The following BNIP2 variants were observed in gnomAD, a reference collection of about 807,000 sequenced individuals.
The protein encoded by BNIP2 is BCL2 interacting protein 2, also known as BCL2/adenovirus E1B 19 kDa protein-interacting protein 2.
BNIP2 carries 36 observed loss-of-function variants against 43.4 expected under a neutral mutation model. That is an observed-to-expected ratio of 0.83 (90% confidence interval 0.64 to 1.10). The LOEUF is 1.10. BNIP2 is among the 50% of genes least tolerant of loss of function. BNIP2 has a pLI of 0.00. For missense variants in BNIP2, 417 were observed against 374.1 expected (o/e 1.11, Z -0.95); for synonymous variants, 146 against 121.0 (o/e 1.21, Z -1.35).
At chr15:59,684,023 T>G (rs1237182928) in intron 1 of BNIP2, among the ~76,000 whole-genome samples, 1 of 152,200 alleles carries the variant, frequency 6.6e-6, no homozygotes, top group Admixed American at 6.5e-5. Flanking sequence ...TACGTCAACA[T>G]TCAAAAGATG....
chr15:59,664,168 T>C (rs746745170), intron 9 of BNIP2, 48 bp from the exon 10 acceptor site: 54 of 1,269,716 alleles, frequency 4.3e-5, no homozygotes, highest in Non-Finnish European at 5.8e-5. Context: ...ACTGAACAAT[T>C]TTCTTTCTAA....
chr15:59,675,235 T>A (rs1378437431), intron 5 of BNIP2, among the ~76,000 whole-genome samples: 2 of 139,644 alleles, frequency 1.4e-5, no homozygotes, highest in Non-Finnish European at 3.1e-5. Flanking sequence ...GGTGACAGAA[T>A]GAGACTCCAT....
chr15:59,664,927 T>G (rs534581568), intron 9 of BNIP2, among the ~76,000 whole-genome samples: 4 of 152,182 alleles, frequency 2.6e-5, no homozygotes, highest in South Asian at 2.1e-4. Flanking sequence ...GGTACACAGT[T>G]TGTGAATGCC....
intron 9 of BNIP2, among the ~76,000 whole-genome samples, chr15:59,666,952 G>T (rs1892605559): frequency 6.6e-6 from 1 of 151,882 alleles, no homozygotes; most frequent in African/African-American, 2.4e-5. Flanking sequence ...TTTTAAAAAG[G>T]CTTAATACAG....
At chr15:59,686,742 C>T (rs933620844) in intron 1 of BNIP2, among the ~76,000 whole-genome samples, 9 of 152,244 alleles carry the variant, frequency 5.9e-5, no homozygotes, top group East Asian at 1.9e-4. Context: ...ACAAGCCGGG[C>T]ATGGTGGCTC....
chr15:59,674,372 G>A (rs1485898433), intron 5 of BNIP2, among the ~76,000 whole-genome samples: 2 of 152,078 alleles, frequency 1.3e-5, no homozygotes, highest in Non-Finnish European at 2.9e-5. Context: ...ATAAAATAAG[G>A]TGGTCTTATT....
Position 59,680,300 on chromosome 15 carries a change from G to C in BNIP2, c.59C>G (p.Pro20Arg). 6.3e-7 allele frequency: 1 copy of C among 1,597,192 alleles called. No individual in the cohort carries two copies. The highest frequency in any genetic ancestry group is 8.5e-7 in the Non-Finnish European group (1 of 1,170,702). ...ATCTGCTTCAATACTATCATCTTCT[G>C]GTAAAGGTCTAGAAGACACAGGCAT... ...WQDEDFPIPL[P>R]EDDSIEADIL... Residue 20 changes from proline (P) to arginine (R), a missense_variant, in exon 3 of 10, where the codon CCA (proline) becomes CGA (arginine). Physicochemically the swap from Pro to Arg is moderately radical, Grantham distance 103. Transcript: ENST00000607373.
At position 59,679,576 on chromosome 15, in the gene BNIP2, A is replaced by G; in HGVS notation, c.295+16T>C. 1.2e-6 allele frequency: 2 copies of G among 1,607,892 alleles called. No homozygotes were observed. The highest frequency in any genetic ancestry group is 1.7e-6 in the Non-Finnish European group (2 of 1,176,892). ...TACATTAATAAAGATCAGATTAAAA[A>G]CAGTGAAACATTTACCTTCCCACTC... On this transcript the variant is annotated intron_variant, in intron 4 of 9. Transcript: ENST00000607373.
chr15:59,669,897 T>C (rs1369587770), intron 7 of BNIP2, among the ~76,000 whole-genome samples: 2 of 152,246 alleles, frequency 1.3e-5, no homozygotes, highest in African/African-American at 2.4e-5. Flanking sequence ...ATACTCTTTG[T>C]ATTATGCATA....
chr15:59,668,074 G>A (rs549997096), intron 9 of BNIP2: 40 of 1,287,628 alleles, frequency 3.1e-5, no homozygotes, highest in Middle Eastern at 2.1e-4. Flanking sequence ...GACTAGTCTA[G>A]ATGCAACCCA....
In BNIP2 at chr15:59,689,281, G is replaced by A. The variant is rs1894230011; in HGVS notation, c.-204C>T. The A allele has an allele frequency of 6.5e-7, 1 of 1,545,692 alleles. No individual in the cohort carries two copies. Among genetic ancestry groups the A allele is most frequent in the Non-Finnish European group, 8.7e-7 (1 of 1,145,848 alleles). ...ACCCCGGCCCAATCCCCCGGCCGCA[G>A]CGGTACGGCGTCGGCGGCAGCAGCT... On this transcript the variant is annotated 5_prime_UTR_variant, in exon 1 of 10. Transcript: ENST00000607373.
At chr15:59,669,715 G>C (rs1229549718) in intron 7 of BNIP2, among the ~76,000 whole-genome samples, 1 of 152,176 alleles carries the variant, frequency 6.6e-6, no homozygotes, top group Non-Finnish European at 1.5e-5. Flanking sequence ...GGAGAAATTG[G>C]TGCTAAGTTC....
chr15:59,689,144 A>T lies in BNIP2; in HGVS notation c.-67T>A, dbSNP rs747883445. The T allele has an allele frequency of 5.3e-5, 81 of 1,536,836 alleles. 2 individuals are homozygous for T. The African/African-American group carries it at 1.0e-3, about 20-fold the overall frequency. On this transcript the variant is annotated 5_prime_UTR_variant, in exon 1 of 10. Coordinates refer to ENST00000607373, the MANE Select transcript of BNIP2 (RefSeq NM_004330.4). ...CCCAGGCCGCACTCACCCCGGAGGA[A>T]GCCTTGGCCCCCTCGTCCTCTTCGC...
At chr15:59,672,145 T>C (rs1388531014) in intron 6 of BNIP2, 1 of 152,284 alleles carries the variant, frequency 6.6e-6, no homozygotes, top group Non-Finnish European at 1.5e-5. Flanking sequence ...TGACAATTTT[T>C]CTCTTGAATT....
intron 5 of BNIP2, among the ~76,000 whole-genome samples, chr15:59,675,949 C>T (rs6151533): frequency 6.6e-6 from 1 of 151,930 alleles, no homozygotes; most frequent in African/African-American, 2.4e-5. Context: ...GCTACCGAAG[C>T]TGAGTATTCA....
At chr15:59,673,886 T>C (rs1168348894) in intron 5 of BNIP2, among the ~76,000 whole-genome samples, 2 of 152,042 alleles carry the variant, frequency 1.3e-5, no homozygotes, top group African/African-American at 4.8e-5. Context: ...CCAGGAATTT[T>C]GAGACCAGCC....
intron 1 of BNIP2, among the ~76,000 whole-genome samples, chr15:59,683,526 T>G (rs571756669): frequency 6.6e-6 from 1 of 152,172 alleles, no homozygotes; most frequent in Non-Finnish European, 1.5e-5. Flanking sequence ...TTAAAAGTCG[T>G]TGACACTAGG....
At chr15:59,685,151 G>C (rs563184527) in intron 1 of BNIP2, among the ~76,000 whole-genome samples, 131 of 152,186 alleles carry the variant, frequency 8.6e-4, no homozygotes, top group Non-Finnish European at 1.7e-3. Flanking sequence ...AATTCTAGAA[G>C]ACAATCCATT....
At chr15:59,668,775 C>G in intron 9 of BNIP2, 117 bp downstream of exon 9, 2 of 845,918 alleles carry the variant, frequency 2.4e-6, no homozygotes, top group South Asian at 4.4e-5. Context: ...CACACACACG[C>G]GCGCGCGCGC....
Sources: allele counts gnomAD v4.1 joint callset (sites outside exome capture counted in the v4.1 genomes callset), GRCh38; gene constraint gnomAD v4.1.1; transcripts MANE v1.5; gene names NCBI Gene and HGNC (gene_info 2026-07-23, HGNC 2026-07-21).